The following PRSS33 variants were observed in gnomAD, a reference collection of about 807,000 sequenced individuals.
PRSS33 encodes serine protease 33, also known as protease, serine 33.
A neutral mutation model predicts 26.7 loss-of-function variants in PRSS33; 32 were observed. The observed-to-expected ratio is 1.20, with a 90% CI of 0.90 to 1.61. The LOEUF (loss-of-function observed/expected upper bound fraction) is 1.61, where lower values mean the gene tolerates loss of function less well. Among genes scored for constraint, PRSS33 ranks in the 40% most tolerant of loss-of-function variants. PRSS33 has a pLI of 0.00. For missense variants in PRSS33, 450 were observed against 396.3 expected, an observed-to-expected ratio of 1.14 and a Z score of -1.15; for synonymous variants, 192 against 177.6, an observed-to-expected ratio of 1.08 and a Z score of -0.64.
chr16:2,786,356 T>G, intron 2 of PRSS33, 146 bp downstream of exon 2: 1 of 1,002,672 alleles, frequency 1.0e-6, no homozygotes, highest in Non-Finnish European at 1.5e-6. Flanking sequence ...GAGGTCAAGG[T>G]CAGTGGCAGA....
rs765928492 is a variant in PRSS33, at chr16:2,784,754, G to T, written c.733C>A (p.Leu245Met). 2.5e-6 allele frequency: 4 copies of T among 1,609,186 alleles called. No homozygotes were observed. The highest frequency in any genetic ancestry group is 3.4e-6 in the Non-Finnish European group (4 of 1,178,044). ...TTGCCCCAGCTCACCACGCCCACCAGGACCCAGCTCCCAGACTGCAGGCAG... is the reference window on the plus strand; with the variant it reads ...TTGCCCCAGCTCACCACGCCCACCATGACCCAGCTCCCAGACTGCAGGCAG... ...LTCLQSGSWV[L>M]VGVVSWGKGC... Residue 245 changes from leucine (L) to methionine (M), a missense_variant, in exon 7 of 7, where the codon CTG becomes ATG. Transcript: ENST00000682474.
In PRSS33 at chr16:2,785,174, G is replaced by T; in HGVS notation, c.515-3C>A. 1 of 1,535,666 alleles carries T rather than the reference G, an allele frequency of 6.5e-7. No homozygotes were observed. The highest frequency in any genetic ancestry group is 8.7e-7 in the Non-Finnish European group (1 of 1,144,316). On this transcript the variant is annotated splice_region_variant and splice_polypyrimidine_tract_variant and intron_variant, in intron 5 of 6. Transcript: ENST00000682474. ...CGGTCGCCACTCTGGGAGGGGCACT[G>T]GGGGAAGAGGAGGGACCTCTGAGAG...
intron 1 of PRSS33, 47 bp from the exon 2 acceptor site, chr16:2,786,651 C>A: frequency 7.7e-7 from 1 of 1,292,268 alleles, no homozygotes; most frequent in Non-Finnish European, 1.1e-6. Flanking sequence ...CCAGGGGCAC[C>A]AATCCTCACA....
chr16:2,785,001 C>T lies in PRSS33; in HGVS notation c.684+1G>A. 5.6e-6 allele frequency: 9 copies of T among 1,597,058 alleles called. No homozygotes were observed. The highest frequency in any genetic ancestry group is 7.7e-6 in the Non-Finnish European group (9 of 1,174,276). On this transcript the variant is annotated splice_donor_variant, in intron 6 of 6. Coordinates refer to ENST00000682474, the MANE Select transcript of PRSS33 (RefSeq NM_152891.3). LOFTEE classifies it high-confidence loss of function. ...GGAGGCTGGGGAGGCTGGGTGCACACCTGGCAGGCGTCCTTGTGGCCCTGG... is the reference window on the plus strand; with the variant it reads ...GGAGGCTGGGGAGGCTGGGTGCACATCTGGCAGGCGTCCTTGTGGCCCTGG...
In PRSS33 at chr16:2,785,520, G is replaced by T; in HGVS notation, c.369C>A (p.Ala123=). 4 of 1,523,986 alleles carry T rather than the reference G, an allele frequency of 2.6e-6. No homozygotes were observed. Among genetic ancestry groups the T allele is most frequent in the Non-Finnish European group, 3.5e-6 (4 of 1,142,980 alleles). 94.4% of individuals were successfully genotyped at this position (1,523,986 alleles called of 1,614,324 possible). ...GCTGCAGCAGTGCCAGGTCGCCGCG[G>T]GCCCCGTCCTCGGAGTAGTCCGGGG... ...LLPPDYSEDG[A]RGDLALLQLR... Residue 123 remains alanine (A), a synonymous_variant, in exon 5 of 7, where the codon GCC becomes GCA. Coordinates refer to ENST00000682474, the MANE Select transcript of PRSS33 (RefSeq NM_152891.3).
Position 2,786,046 on chromosome 16 carries a change from G to A in PRSS33, c.79+43C>T, listed in dbSNP as rs898739607. Reference sequence around the variant, plus strand: ...GTTGGTGGGGAGACACGGGGCCGAGGTCCAGGAGGGGCTGACTCGGGTGGA... The same window carrying A: ...GTTGGTGGGGAGACACGGGGCCGAGATCCAGGAGGGGCTGACTCGGGTGGA... On this transcript the variant is annotated intron_variant, in intron 3 of 6. Transcript: ENST00000682474. The A allele has an allele frequency of 1.9e-6, 3 of 1,612,160 alleles. No individual in the cohort carries two copies. The African/African-American group carries it at 4.0e-5, about 22-fold the overall frequency.
intron 1 of PRSS33, 94 bp from the exon 2 acceptor site, chr16:2,786,698 C>T: frequency 1.2e-6 from 1 of 817,984 alleles, no homozygotes; most frequent in Admixed American, 2.4e-5. Context: ...TTCTGTCTGT[C>T]CTCAGCTCCT....
Position 2,785,388 on chromosome 16 carries a change from G to A in PRSS33, c.501C>T (p.Ser167=). The change falls in exon 5 of 7, where the codon AGC becomes AGT. Residue 167 remains serine, a synonymous_variant. Transcript: ENST00000682474. ...GTPCRVTGWG[S]LRPGVPLPEW... ...CTCCTGCCTTACCTCCTGGGCGGAG[G>A]CTGCCCCAGCCGGTGACCCGGCATG... The A allele has an allele frequency of 7.0e-7, 1 of 1,431,496 alleles. No individual in the cohort carries two copies. The highest frequency in any genetic ancestry group is 1.5e-5 in the African/African-American group (1 of 67,890). The allele number at this position is 1,431,496 out of a possible 1,614,324, so 88.7% of individuals were successfully genotyped here. A position where few individuals can be genotyped will look rare whatever the true frequency, so the allele number is the denominator to read the frequency against.
intron 6 of PRSS33, 71 bp from the exon 7 acceptor site, chr16:2,784,873 CGTG>C: frequency 6.5e-7 from 1 of 1,531,356 alleles, no homozygotes; most frequent in Non-Finnish European, 8.8e-7. Context: ...AGACCCCTGG[CGTG>C]GTGCCTCTAG....
chr16:2,785,751 G>A, intron 4 of PRSS33, 48 bp downstream of exon 4: 1 of 1,527,722 alleles, frequency 6.5e-7, no homozygotes, highest in East Asian at 2.3e-5. Flanking sequence ...TCCTCTGCGG[G>A]CCTTGCCTTC....
Position 2,785,883 on chromosome 16 carries a change from C to T in PRSS33, c.158G>A (p.Ser53Asn). The T allele has an allele frequency of 6.2e-7, 1 of 1,610,200 alleles. No homozygotes were observed. The highest frequency in any genetic ancestry group is 8.5e-7 in the Non-Finnish European group (1 of 1,179,136). The change falls in exon 4 of 7, where the codon AGC becomes AAC. Residue 53 changes from serine (S) to asparagine (N), a missense_variant. Ser to Asn is a conservative substitution (Grantham distance 46, BLOSUM62 1). Transcript: ENST00000682474. ...GRDGEWPWQASIQHRGAHVCG... is the reference protein window; with the variant it reads ...GRDGEWPWQANIQHRGAHVCG... ...CACGTGTGCCCCACGATGCTGGATG[C>T]TCGCCTGCCACGGCCACTCTCCGTC...
In PRSS33 at chr16:2,785,173, T is replaced by G; in HGVS notation, c.515-2A>C. On this transcript the variant is annotated splice_acceptor_variant, in intron 5 of 6. Transcript: ENST00000682474. LOFTEE classifies it high-confidence loss of function. ...GCGGTCGCCACTCTGGGAGGGGCAC[T>G]GGGGGAAGAGGAGGGACCTCTGAGA... 6.5e-7 allele frequency: 1 copy of G among 1,536,286 alleles called. No individual in the cohort carries two copies.
chr16:2,785,848 AC>A lies in PRSS33; in HGVS notation c.192del (p.Ser65ArgfsTer9). 3 of 1,605,576 alleles carry A rather than the reference AC, an allele frequency of 1.9e-6. No homozygotes were observed. The highest frequency in any genetic ancestry group is 8.5e-7 in the Non-Finnish European group (1 of 1,178,132). ...AGCACCCACTGGGGGGCGATGAGCG[AC>A]CCCCCGCACACGTGTGCCCCACGAT... ...IQHRGAHVCG[G>X]SLIAPQWVLT... On this transcript the variant is annotated frameshift_variant, in exon 4 of 7. Transcript: ENST00000682474. LOFTEE classifies it high-confidence loss of function.
upstream of PRSS33, chr16:2,787,911 G>C (rs960434697): frequency 2.0e-5 from 3 of 152,270 alleles, no homozygotes; most frequent in African/African-American, 7.2e-5. Context: ...GCGCTCCATT[G>C]TTCTGTCCAG....
chr16:2,784,910 T>G (rs750767884), intron 6 of PRSS33, 92 bp downstream of exon 6: 416 of 1,526,940 alleles, frequency 2.7e-4, no homozygotes, highest in Non-Finnish European at 3.6e-4. Context: ...ATCCTGAGCC[T>G]GAGTTGGGAT....
intron 2 of PRSS33, 127 bp downstream of exon 2, chr16:2,786,375 A>T (rs2068874316): frequency 5.3e-6 from 6 of 1,132,844 alleles, no homozygotes; most frequent in South Asian, 2.9e-5. Flanking sequence ...GAGAGGATTG[A>T]GCCCTTGGAA....
At chr16:2,786,763 A>C (rs1164062669) in intron 1 of PRSS33, 159 bp from the exon 2 acceptor site, 2 of 544,850 alleles carry the variant, frequency 3.7e-6, no homozygotes, top group African/African-American at 4.0e-5. Flanking sequence ...CGTTCTGCCC[A>C]GGGCCCAGGT....
Position 2,785,648 on chromosome 16 carries a change from T to A in PRSS33, c.243-2A>T. The A allele has an allele frequency of 1.3e-6, 2 of 1,487,080 alleles. No homozygotes were observed. Among genetic ancestry groups the A allele is most frequent in the Non-Finnish European group, 1.8e-6 (2 of 1,124,278 alleles). The allele number at this position is 1,487,080 out of a possible 1,614,324, so 92.1% of individuals were successfully genotyped here. ...CGGTACTCAGCTGGCAGTGCCCTCC[T>A]GCAGGACAGGAGCGGGGGACTACTT... On this transcript the variant is annotated splice_acceptor_variant, in intron 4 of 6. Transcript: ENST00000682474. LOFTEE classifies it high-confidence loss of function.
At position 2,784,620 on chromosome 16, in the gene PRSS33, C is replaced by A; in HGVS notation, c.*24G>T. 6.4e-7 allele frequency: 1 copy of A among 1,553,828 alleles called. No homozygotes were observed. Among genetic ancestry groups the A allele is most frequent in the Non-Finnish European group, 8.7e-7 (1 of 1,145,946 alleles). On this transcript the variant is annotated 3_prime_UTR_variant, in exon 7 of 7. Transcript: ENST00000682474. ...GGCTGAGGGACCCCAGCAGCTGGCT[C>A]CAGGTCAGCCTCACCGGCTAGCATT...
Sources: allele counts gnomAD v4.1 joint callset, GRCh38; gene constraint gnomAD v4.1.1; transcripts MANE v1.5; gene names NCBI Gene and HGNC (gene_info 2026-07-23, HGNC 2026-07-21).